Variants in DNAJB8 observed in about 807,000 individuals in gnomAD.
The protein encoded by DNAJB8 is dnaJ homolog subfamily B member 8.
For missense variants in DNAJB8, 354 were observed against 318.9 expected (o/e 1.11, Z -0.84); for synonymous variants, 127 against 127.1 (o/e 1.00, Z 0.00).
intron 2 of DNAJB8, among the ~76,000 whole-genome samples, chr3:128,464,947 C>T (rs1479928002): frequency 1.3e-5 from 2 of 148,768 alleles, no homozygotes; most frequent in Non-Finnish European, 3.0e-5. Context: ...CCTCCCCTTC[C>T]CCCTTCTCCC....
rs754239871 is a variant in DNAJB8, at chr3:128,463,608, C to T, written c.-363G>A. 8 of 194,090 alleles carry T rather than the reference C, an allele frequency of 4.1e-5. No individual in the cohort carries two copies. Among genetic ancestry groups the T allele is most frequent in the Non-Finnish European group, 8.2e-5 (7 of 84,970 alleles). The allele number at this position is 194,090 out of a possible 1,614,324, so 12.0% of individuals were successfully genotyped here. A position where few individuals can be genotyped will look rare whatever the true frequency, so the allele number is the denominator to read the frequency against. ...CAAACCTGGGCATATGGGCCTGCCC[C>T]TGCTGGTGAGGTGGCCACAACGGTG... On this transcript the variant is annotated 5_prime_UTR_variant, in exon 3 of 3. Coordinates refer to ENST00000319153, the MANE Select transcript of DNAJB8 (RefSeq NM_153330.6).
Position 128,463,559 on chromosome 3 carries a change from C to T in DNAJB8, c.-314G>A. On this transcript the variant is annotated 5_prime_UTR_variant, in exon 3 of 3. Transcript: ENST00000319153. ...CGTCAGCTCCCGGGGCGGGGCATAC[C>T]CCCGCCCCCAGCTCCTCACCAGGCA... is the stretch of plus-strand genomic sequence containing the variant. 1 of 231,570 alleles carries T rather than the reference C, an allele frequency of 4.3e-6. No individual in the cohort carries two copies. The highest frequency in any genetic ancestry group is 9.2e-6 in the Non-Finnish European group (1 of 109,252). The allele number at this position is 231,570 out of a possible 1,614,324, so 14.3% of individuals were successfully genotyped here.
Position 128,462,978 on chromosome 3 carries a change from C to T in DNAJB8, c.268G>A (p.Gly90Ser), listed in dbSNP as rs371803176. The change falls in exon 3 of 3, where the codon GGC (glycine) becomes AGC (serine). Residue 90 changes from glycine to serine, a missense_variant. Coordinates refer to ENST00000319153, the MANE Select transcript of DNAJB8 (RefSeq NM_153330.6). ...TCCTCAGGGTTACGGAAGGTGTAGC[C>T]GGTGTCGAAGGGGCTGTGGTAGGGC... is the stretch of plus-strand genomic sequence containing the variant. ...STPYHSPFDT[G>S]YTFRNPEDIF... The T allele has an allele frequency of 4.8e-5, 77 of 1,614,062 alleles. No homozygotes were observed. The highest frequency in any genetic ancestry group is 6.7e-5 in the East Asian group (3 of 44,884).
Position 128,463,305 on chromosome 3 carries a change from G to C in DNAJB8, c.-60C>G. ...GAGGCCAGGTGGGCGCAGGGGCCCA[G>C]CTGGTCAGATGGACGGGGGAGAAGT... is the stretch of plus-strand genomic sequence containing the variant. On this transcript the variant is annotated 5_prime_UTR_variant, in exon 3 of 3. Coordinates refer to ENST00000319153, the MANE Select transcript of DNAJB8 (RefSeq NM_153330.6). 4.7e-6 allele frequency: 7 copies of C among 1,474,530 alleles called. No individual in the cohort carries two copies. Among genetic ancestry groups the C allele is most frequent in the African/African-American group, 1.4e-5 (1 of 71,544 alleles). 91.3% of individuals were successfully genotyped at this position (1,474,530 alleles called of 1,614,324 possible).
rs752251520 is a variant in DNAJB8 at position 128,463,248 on chromosome 3, C to A, written c.-3G>T. 3.1e-6 allele frequency: 5 copies of A among 1,606,224 alleles called. No homozygotes were observed. The Admixed American group carries it at 6.7e-5, about 22-fold the overall frequency. ...AGCACTTCGTAGTAGTTAGCCATGG[C>A]CAGGGGTGTGGGTGAGAGGAGAGGG... is the stretch of plus-strand genomic sequence containing the variant. On this transcript the variant is annotated 5_prime_UTR_variant, in exon 3 of 3. Coordinates refer to ENST00000319153, the MANE Select transcript of DNAJB8 (RefSeq NM_153330.6).
rs995367934 is a variant in DNAJB8 at position 128,463,629 on chromosome 3, C to T, written c.-384G>A. On this transcript the variant is annotated 5_prime_UTR_variant, in exon 3 of 3. Coordinates refer to ENST00000319153, the MANE Select transcript of DNAJB8 (RefSeq NM_153330.6). ...GCCCCTGCTGGTGAGGTGGCCACAA[C>T]GGTGTGTGGGAATGGGATGCTCTGT... 6.5e-5 allele frequency: 12 copies of T among 183,230 alleles called. No individual in the cohort carries two copies. Among genetic ancestry groups the T allele is most frequent in the African/African-American group, 2.6e-4 (11 of 41,790 alleles). 11.4% of individuals were successfully genotyped at this position (183,230 alleles called of 1,614,324 possible).
In DNAJB8 at chr3:128,462,503, TG is replaced by T; in HGVS notation, c.*43del. On this transcript the variant is annotated 3_prime_UTR_variant, in exon 3 of 3. Coordinates refer to ENST00000319153, the MANE Select transcript of DNAJB8 (RefSeq NM_153330.6). ...GCGGCCCCACGTGTTTGCTGCCCCATGCACGGTGGTGGTGGTGGGAAGGCAG... is the reference window on the plus strand; with the variant it reads ...GCGGCCCCACGTGTTTGCTGCCCCATCACGGTGGTGGTGGTGGGAAGGCAG... The T allele has an allele frequency of 6.4e-7, 1 of 1,562,794 alleles. No homozygotes were observed. The highest frequency in any genetic ancestry group is 2.3e-5 in the East Asian group (1 of 44,408).
chr3:128,464,284 C>A (rs1323712039), intron 2 of DNAJB8, among the ~76,000 whole-genome samples, 174 bp from the exon 3 acceptor site: 2 of 152,222 alleles, frequency 1.3e-5, no homozygotes, highest in African/African-American at 4.8e-5. Flanking sequence ...GAGATGAGAT[C>A]ATCCTGGATT....
rs1175662366 is a variant in DNAJB8 at position 128,463,166 on chromosome 3, G to A, written c.80C>T (p.Ala27Val). ...GTTCTTGTCGGGGTGCCAACGAAGG[G>A]CCAGCTTGCGGTAGGCTTTCTTGAT... ...EDIKKAYRKL[A>V]LRWHPDKNPD... The change falls in exon 3 of 3, where the codon GCC becomes GTC. Residue 27 changes from alanine to valine, a missense_variant. Coordinates refer to ENST00000319153, the MANE Select transcript of DNAJB8 (RefSeq NM_153330.6). The A allele has an allele frequency of 6.2e-7, 1 of 1,614,200 alleles. No homozygotes were observed. Among genetic ancestry groups the A allele is most frequent in the South Asian group, 1.1e-5 (1 of 91,084 alleles).
Position 128,463,358 on chromosome 3 carries a change from G to A in DNAJB8, c.-113C>T, listed in dbSNP as rs1456870837. The A allele has an allele frequency of 1.1e-6, 1 of 918,084 alleles. No homozygotes were observed. Among genetic ancestry groups the A allele is most frequent in the Non-Finnish European group, 1.7e-6 (1 of 601,354 alleles). 56.9% of individuals were successfully genotyped at this position (918,084 alleles called of 1,614,324 possible). A position where few individuals can be genotyped will look rare whatever the true frequency, so the allele number is the denominator to read the frequency against. On this transcript the variant is annotated 5_prime_UTR_variant, in exon 3 of 3. Transcript: ENST00000319153. ...CCGGTGGTCTGGGGCCCTTCAGCAG[G>A]GGCCTGGCTGGACTCCGCAAGCTCT... is the stretch of plus-strand genomic sequence containing the variant.
At chr3:128,464,907 CTCCT>C (rs1223128137) in intron 2 of DNAJB8, among the ~76,000 whole-genome samples, 3 of 134,558 alleles carry the variant, frequency 2.2e-5, no homozygotes, top group Non-Finnish European at 3.1e-5. Flanking sequence ...TCCTCCCTTT[CTCCT>C]TCCTTCCTTC....
chr3:128,462,738 C>G lies in DNAJB8; in HGVS notation c.508G>C (p.Gly170Arg), dbSNP rs200955342. Reference sequence around the variant, plus strand: ...CCCGAGCTGCCAGAACTGGAGCCCCCGAAGGAGGTGGATGAGAAGGTGGTG... The same window carrying G: ...CCCGAGCTGCCAGAACTGGAGCCCCGGAAGGAGGTGGATGAGAAGGTGGTG... ...SHTTFSSTSF[G>R]GSSSGSSGFK... The change falls in exon 3 of 3, where the codon GGG (glycine) becomes CGG (arginine). Residue 170 changes from glycine to arginine, a missense_variant. By Grantham distance (125) the Gly-to-Arg change is moderately radical. Transcript: ENST00000319153. 82 of 1,614,074 alleles carry G rather than the reference C, an allele frequency of 5.1e-5. No individual in the cohort carries two copies. Among genetic ancestry groups the G allele is most frequent in the Admixed American group, 1.7e-4 (10 of 60,016 alleles).
Position 128,462,920 on chromosome 3 carries a change from G to C in DNAJB8, c.326C>G (p.Pro109Arg). Residue 109 changes from proline to arginine, a missense_variant, in exon 3 of 3, where the codon CCT (proline) becomes CGT (arginine). Coordinates refer to ENST00000319153, the MANE Select transcript of DNAJB8 (RefSeq NM_153330.6). Reference protein sequence around the residue: ...IFREFFGGLDPFSFEFWDSPF... With the variant: ...IFREFFGGLDRFSFEFWDSPF... ...GCTGTCCCAGAACTCAAAGGAGAAA[G>C]GGTCCAGGCCACCAAAAAACTCCCG... The C allele has an allele frequency of 1.2e-6, 2 of 1,614,106 alleles. No homozygotes were observed. The highest frequency in any genetic ancestry group is 1.7e-6 in the Non-Finnish European group (2 of 1,179,944).
In DNAJB8 at chr3:128,463,455, G is replaced by A. The variant is rs1449786390; in HGVS notation, c.-210C>T. 2 of 503,824 alleles carry A rather than the reference G, an allele frequency of 4.0e-6. No individual in the cohort carries two copies. The highest frequency in any genetic ancestry group is 3.6e-6 in the Non-Finnish European group (1 of 278,032). The allele number at this position is 503,824 out of a possible 1,614,324, so 31.2% of individuals were successfully genotyped here. The stretch of plus-strand genomic sequence containing the variant: ...CAGGGACTGGAGGGGCCCCCACTGA[G>A]AGGAGTGGGGGGAGGGGAGGGACAC... On this transcript the variant is annotated 5_prime_UTR_variant, in exon 3 of 3. Coordinates refer to ENST00000319153, the MANE Select transcript of DNAJB8 (RefSeq NM_153330.6).
rs2068504011 is a variant in DNAJB8 at position 128,465,272 on chromosome 3, C to T, written c.-866+4G>A. On this transcript the variant is annotated splice_donor_region_variant and intron_variant, in intron 2 of 2. Transcript: ENST00000319153. The stretch of plus-strand genomic sequence containing the variant: ...TCGCACCCCCATGCTGGGCATCCAC[C>T]CACCTACACCTGCTGACACATGTGG... The T allele has an allele frequency of 6.6e-6, 1 of 152,208 alleles. No homozygotes were observed. Among genetic ancestry groups the T allele is most frequent in the Admixed American group, 6.6e-5 (1 of 15,266 alleles). The allele number at this position is 152,208 out of a possible 1,614,324, so 9.4% of individuals were successfully genotyped here. A position where few individuals can be genotyped will look rare whatever the true frequency, so the allele number is the denominator to read the frequency against.
chr3:128,465,194 C>G (rs1333229425), intron 2 of DNAJB8, 82 bp downstream of exon 2: 1 of 152,162 alleles, frequency 6.6e-6, no homozygotes, highest in Non-Finnish European at 1.5e-5. Flanking sequence ...CTTTGTAAAC[C>G]CAGCCTCCAG....
chr3:128,465,899 G>A (rs1276871161), intron 1 of DNAJB8: 1 of 152,286 alleles, frequency 6.6e-6, no homozygotes, highest in Non-Finnish European at 1.5e-5. Flanking sequence ...AGGTGAAGGT[G>A]GTGGAGGTAG....
rs764560694 is a variant in DNAJB8 at position 128,462,776 on chromosome 3, C to A, written c.470G>T (p.Ser157Ile). Residue 157 changes from serine to isoleucine, a missense_variant, in exon 3 of 3, where the codon AGC becomes ATC. Ser to Ile is a moderately radical substitution (Grantham distance 142). Transcript: ENST00000319153. Reference protein sequence around the residue: ...AFSSFNMLGCSGGSHTTFSST... With the variant: ...AFSSFNMLGCIGGSHTTFSST... The stretch of plus-strand genomic sequence containing the variant: ...TGAGAAGGTGGTGTGGCTGCCCCCG[C>A]TGCAGCCCAGCATGTTGAAGGATGA... 31 of 1,614,052 alleles carry A rather than the reference C, an allele frequency of 1.9e-5. No individual in the cohort carries two copies. The highest frequency in any genetic ancestry group is 2.5e-5 in the Non-Finnish European group (29 of 1,180,044).
Position 128,463,117 on chromosome 3 carries a change from C to G in DNAJB8, c.129G>C (p.Glu43Asp). Residue 43 changes from glutamate (E) to aspartate (D), a missense_variant, in exon 3 of 3, where the codon GAG (glutamate) becomes GAC (aspartate). Glu to Asp is a conservative substitution (Grantham distance 45, BLOSUM62 2). Coordinates refer to ENST00000319153, the MANE Select transcript of DNAJB8 (RefSeq NM_153330.6). The part of the protein sequence containing the change: ...DKNPDNKEEA[E>D]KKFKLVSEAY... The stretch of plus-strand genomic sequence containing the variant: ...CCTCAGACACCAGCTTGAACTTCTT[C>G]TCCGCCTCCTCCTTATTGTCAGGGT... 6.2e-7 allele frequency: 1 copy of G among 1,614,246 alleles called. No homozygotes were observed. Among genetic ancestry groups the G allele is most frequent in the Non-Finnish European group, 8.5e-7 (1 of 1,180,048 alleles).
Sources: allele counts gnomAD v4.1 joint callset (sites outside exome capture counted in the v4.1 genomes callset), GRCh38; gene constraint gnomAD v4.1.1; transcripts MANE v1.5; gene names NCBI Gene and HGNC (gene_info 2026-07-23, HGNC 2026-07-21).